KMT2E: variants seen among roughly 807,000 people sequenced by gnomAD.
The protein encoded by KMT2E is histone reader KMT2E.
In KMT2E, 30 loss-of-function variants were observed where a neutral mutation model predicts 184.6. That is an observed-to-expected ratio of 0.16 (90% CI 0.12 to 0.22). The LOEUF is 0.22. KMT2E is among the 10% of genes least tolerant of loss of function. KMT2E has a pLI of 1.00. For missense variants in KMT2E, 2,023 were observed against 2,237.4 expected, an observed-to-expected ratio of 0.90 and a Z score of 1.93; for synonymous variants, 815 against 776.5, an observed-to-expected ratio of 1.05 and a Z score of -0.82.
chr7:105,063,344 T>C lies in KMT2E; in HGVS notation c.187-7T>C. On this transcript the variant is annotated splice_polypyrimidine_tract_variant and splice_region_variant and intron_variant, in intron 4 of 26. Coordinates refer to ENST00000311117, the MANE Select transcript of KMT2E (RefSeq NM_182931.3). ...ATATTGTGCTATATTTGTGTTTAAT[T>C]ATTCAGGACCATAATTATGGTGCTC... 6.4e-7 allele frequency: 1 copy of C among 1,569,096 alleles called. No individual in the cohort carries two copies. The highest frequency in any genetic ancestry group is 8.7e-7 in the Non-Finnish European group (1 of 1,153,798).
Position 105,108,983 on chromosome 7 carries a change from G to A in KMT2E, c.3510G>A (p.Arg1170=), listed in dbSNP as rs1359880839. ...ACCGTAAGAGACAACGTGAAGCTAG[G>A]AAAAGTGGCTCTAAGACAGAGAACT... ...LEYRKRQREA[R]KSGSKTENFP... Residue 1170 remains arginine, a synonymous_variant, in exon 23 of 27, where the codon AGG becomes AGA. Transcript: ENST00000311117. 6.2e-7 allele frequency: 1 copy of A among 1,613,398 alleles called. No individual in the cohort carries two copies. Among genetic ancestry groups the A allele is most frequent in the Non-Finnish European group, 8.5e-7 (1 of 1,179,372 alleles).
At chr7:105,104,445 G>T (rs900568250) in intron 17 of KMT2E, 3 of 152,142 alleles carry the variant, frequency 2.0e-5, no homozygotes, top group African/African-American at 7.2e-5. Flanking sequence ...CCCAACATTT[G>T]GGGAGGTTAA....
chr7:105,109,882 C>T (rs924291141), intron 23 of KMT2E, among the ~76,000 whole-genome samples: 10 of 142,680 alleles, frequency 7.0e-5, no homozygotes, highest in South Asian at 2.2e-4. Context: ...CTTGCTCTGT[C>T]GCCCAGTCTG....
At chr7:105,087,510 G>A (rs185080323) in intron 13 of KMT2E, among the ~76,000 whole-genome samples, 5 of 149,734 alleles carry the variant, frequency 3.3e-5, no homozygotes, top group East Asian at 3.9e-4. Flanking sequence ...TGCAACCTCC[G>A]CCTCCTGTGT....
chr7:105,022,830 G>A (rs1443848587), intron 1 of KMT2E, among the ~76,000 whole-genome samples: 1 of 152,122 alleles, frequency 6.6e-6, no homozygotes, highest in Admixed American at 6.5e-5. Context: ...GGATAGTTGG[G>A]ATTGTGGGAG....
chr7:105,059,370 C>T (rs1011240676), intron 3 of KMT2E, among the ~76,000 whole-genome samples: 1 of 152,172 alleles, frequency 6.6e-6, no homozygotes, highest in African/African-American at 2.4e-5. Flanking sequence ...GCTAAAACTT[C>T]ACTTCTTCCT....
chr7:105,086,527 C>T (rs1797970013), intron 13 of KMT2E, among the ~76,000 whole-genome samples: 1 of 151,964 alleles, frequency 6.6e-6, no homozygotes, highest in Non-Finnish European at 1.5e-5. Context: ...GAGATCGAGA[C>T]CAGCCTGGCC....
intron 6 of KMT2E, among the ~76,000 whole-genome samples, chr7:105,071,580 G>GTATATATATATA (rs1438005247): frequency 6.2e-5 from 4 of 64,994 alleles, no homozygotes; most frequent in Non-Finnish European, 8.0e-5. Context: ...GTATGTGTGT[G>GTATATATATATA]TGTATATATA....
intron 11 of KMT2E, among the ~76,000 whole-genome samples, chr7:105,078,321 G>A (rs1260218923): frequency 6.6e-6 from 1 of 152,106 alleles, no homozygotes; most frequent in African/African-American, 2.4e-5. Flanking sequence ...GTGAGGTTAT[G>A]GGGCAGGTAA....
chr7:105,114,111 G>C lies in KMT2E; in HGVS notation c.*778G>C, dbSNP rs1799482404. 1 of 152,528 alleles carries C rather than the reference G, an allele frequency of 6.6e-6. No homozygotes were observed. The highest frequency in any genetic ancestry group is 1.5e-5 in the Non-Finnish European group (1 of 68,038). The allele number at this position is 152,528 out of a possible 1,614,324, so 9.4% of individuals were successfully genotyped here. ...CCAGATTGTCCTGTACAACTTCTAA[G>C]ATCGGGATCTGTGTGTTTCTACAGA... On this transcript the variant is annotated 3_prime_UTR_variant, in exon 27 of 27. Transcript: ENST00000311117.
At chr7:105,098,899 G>T (rs1798535422) in intron 15 of KMT2E, among the ~76,000 whole-genome samples, 2 of 152,178 alleles carry the variant, frequency 1.3e-5, no homozygotes, top group South Asian at 4.1e-4. Context: ...AGGGGCTATG[G>T]AAAGTCTGCA....
At chr7:105,104,212 A>G (rs761094106) in intron 17 of KMT2E, 16 of 152,054 alleles carry the variant, frequency 1.1e-4, no homozygotes, top group Non-Finnish European at 2.2e-4. Flanking sequence ...CGTTTTTTTT[A>G]AAGTAGTAAT....
At chr7:105,068,409 CTGT>C (rs2129567555) in intron 6 of KMT2E, among the ~76,000 whole-genome samples, 1 of 151,914 alleles carries the variant, frequency 6.6e-6, no homozygotes, top group Admixed American at 6.6e-5. Flanking sequence ...TATGTTAATT[CTGT>C]TGTTCATTAC....
chr7:105,114,809 T>A lies in KMT2E; in HGVS notation c.*1476T>A, dbSNP rs1309869618. On this transcript the variant is annotated 3_prime_UTR_variant, in exon 27 of 27. Transcript: ENST00000311117. The stretch of plus-strand genomic sequence containing the variant: ...GCTAATGATGGTACATTAACGCAGC[T>A]CACTTAGGGCTCAATCCTAATCACA... Among the ~76,000 whole-genome samples the A allele has an allele frequency of 6.6e-6, 1 of 152,222 alleles. No homozygotes were observed. The highest frequency in any genetic ancestry group is 2.4e-5 in the African/African-American group (1 of 41,458).
Position 105,114,373 on chromosome 7 carries a change from C to CTGT in KMT2E, c.*1042_*1044dup, listed in dbSNP as rs1799501846. The CTGT allele has an allele frequency of 6.6e-6, 1 of 152,110 alleles. No homozygotes were observed. The highest frequency in any genetic ancestry group is 1.5e-5 in the Non-Finnish European group (1 of 68,018). 9.4% of individuals were successfully genotyped at this position (152,110 alleles called of 1,614,324 possible). A position where few individuals can be genotyped will look rare whatever the true frequency, so the allele number is the denominator to read the frequency against. On this transcript the variant is annotated 3_prime_UTR_variant, in exon 27 of 27. Transcript: ENST00000311117. ...AGTTCTTGAATACAAGGTACAACAA[C>CTGT]TGTTTGAAAATATGGGTAGTTTGCC...
chr7:105,079,848 A>G (rs1255985722), intron 12 of KMT2E, among the ~76,000 whole-genome samples: 2 of 149,712 alleles, frequency 1.3e-5, no homozygotes, highest in East Asian at 4.0e-4. Context: ...TATTATTATT[A>G]TTATTATTTT....
intron 17 of KMT2E, chr7:105,104,740 T>C (rs1175938305): frequency 1.3e-5 from 2 of 152,140 alleles, no homozygotes; most frequent in African/African-American, 4.8e-5. Context: ...GATGGGCAGC[T>C]ATTGTAGGAA....
At chr7:105,103,430 C>A (rs1439648470) in intron 17 of KMT2E, 2 of 152,198 alleles carry the variant, frequency 1.3e-5, no homozygotes, top group African/African-American at 4.8e-5. Flanking sequence ...GTGCCAGATA[C>A]TGTTCTAAGA....
At position 105,101,562 on chromosome 7, in the gene KMT2E, G is replaced by T; in HGVS notation, c.1860G>T (p.Gln620His). 6.4e-7 allele frequency: 1 copy of T among 1,559,346 alleles called. No homozygotes were observed. Reference protein sequence around the residue: ...TEVKTECKDTQIVSDAEVIQE... With the variant: ...TEVKTECKDTHIVSDAEVIQE... ...TTAAAACTGAATGTAAAGATACACA[G>T]ATTGTCAGTGATGCTGAAGTTATTC... is the stretch of plus-strand genomic sequence containing the variant. The change falls in exon 16 of 27, where the codon CAG (glutamine) becomes CAT (histidine). Residue 620 changes from glutamine to histidine, a missense_variant. Gln to His is a conservative substitution (Grantham distance 24). Coordinates refer to ENST00000311117, the MANE Select transcript of KMT2E (RefSeq NM_182931.3).
Sources: allele counts gnomAD v4.1 joint callset (sites outside exome capture counted in the v4.1 genomes callset), GRCh38; gene constraint gnomAD v4.1.1; transcripts MANE v1.5; gene names NCBI Gene and HGNC (gene_info 2026-07-23, HGNC 2026-07-21).